SIPA1L1: variants seen among roughly 807,000 people sequenced by gnomAD.
The protein encoded by SIPA1L1 is signal-induced proliferation-associated 1-like protein 1.
Under a neutral mutation model 162.7 loss-of-function variants are expected in SIPA1L1, and 26 were observed. The ratio of observed to expected loss-of-function variants is 0.16; its 90% CI spans 0.12 to 0.22. The LOEUF is 0.22. Ranked by LOEUF, SIPA1L1 falls within the 10% of genes least tolerant of loss-of-function variation. The pLI, the probability that SIPA1L1 is intolerant of heterozygous loss-of-function variation, is 1.00. For synonymous variants in SIPA1L1, 829 were observed against 837.4 expected (o/e 0.99, Z 0.17); for missense variants, 1,874 against 2,241.0 (o/e 0.84, Z 3.31).
chr14:71,498,918 A>T (rs944715082), intron 2 of SIPA1L1, among the ~76,000 whole-genome samples: 3 of 152,194 alleles, frequency 2.0e-5, no homozygotes, highest in African/African-American at 7.2e-5. Context: ...TAATTTATTA[A>T]TTTTTGATGA....
chr14:71,432,752 C>T (rs543989506), intron 2 of SIPA1L1, among the ~76,000 whole-genome samples: 10 of 152,218 alleles, frequency 6.6e-5, no homozygotes, highest in Non-Finnish European at 1.3e-4. Flanking sequence ...AATGAACAAT[C>T]AAATGAATGT....
At chr14:71,573,021 A>G (rs2032369278) in intron 4 of SIPA1L1, among the ~76,000 whole-genome samples, 1 of 152,220 alleles carries the variant, frequency 6.6e-6, no homozygotes, top group Non-Finnish European at 1.5e-5. Context: ...CGTAAGATTG[A>G]CAAATTAAAA....
intron 17 of SIPA1L1, among the ~76,000 whole-genome samples, chr14:71,711,035 C>T (rs2082841613): frequency 6.6e-6 from 1 of 152,042 alleles, no homozygotes; most frequent in South Asian, 2.1e-4. Context: ...TTGAGCTTCC[C>T]TTCATTTAAA....
chr14:71,454,179 G>C (rs2046027048), intron 2 of SIPA1L1, among the ~76,000 whole-genome samples: 1 of 152,044 alleles, frequency 6.6e-6, no homozygotes, highest in South Asian at 2.1e-4. Flanking sequence ...TGTGATATAG[G>C]CATGTTATAC....
At chr14:71,623,102 C>G (rs1451343908) in intron 6 of SIPA1L1, among the ~76,000 whole-genome samples, 1 of 152,180 alleles carries the variant, frequency 6.6e-6, no homozygotes, top group African/African-American at 2.4e-5. Context: ...GTGGTCCATT[C>G]TCTGCCTTTG....
chr14:71,668,021 C>T (rs1031780706), intron 10 of SIPA1L1, among the ~76,000 whole-genome samples: 65 of 151,894 alleles, frequency 4.3e-4, no homozygotes, highest in African/African-American at 1.5e-3. Flanking sequence ...GCCGAGATCG[C>T]GCCACTGCAC....
At chr14:71,653,125 T>C (rs2042766468) in intron 8 of SIPA1L1, among the ~76,000 whole-genome samples, 1 of 152,194 alleles carries the variant, frequency 6.6e-6, no homozygotes, top group East Asian at 1.9e-4. Context: ...ATGAGTCTTA[T>C]TTTTAAGCTT....
chr14:71,706,949 C>T lies in SIPA1L1; in HGVS notation c.3765+1609C>T, dbSNP rs11623111. ...TCTGGAGGCTGTGAGACAGGAGAAC[C>T]GCTTGAACCCGGGAGGCAGAGGTTG... On this transcript the variant is annotated intron_variant, in intron 16 of 23. Transcript: ENST00000381232. Among the ~76,000 whole-genome samples the T allele has an allele frequency of 1.6e-3, 250 of 151,556 alleles. 1 individual carries two copies. Among genetic ancestry groups the T allele is most frequent in the Non-Finnish European group, 2.9e-3 (198 of 67,892 alleles).
chr14:71,457,639 A>G (rs2046285366), intron 2 of SIPA1L1, among the ~76,000 whole-genome samples: 1 of 146,950 alleles, frequency 6.8e-6, no homozygotes, highest in Non-Finnish European at 1.5e-5. Context: ...TATCATGCAC[A>G]GCTAGAGTGC....
chr14:71,723,935 A>C, intron 18 of SIPA1L1, 49 bp downstream of exon 18: 1 of 1,608,362 alleles, frequency 6.2e-7, no homozygotes, highest in Non-Finnish European at 8.5e-7. Context: ...TTAACAGGAC[A>C]GAGAATAGAA....
intron 2 of SIPA1L1, among the ~76,000 whole-genome samples, chr14:71,355,069 C>T (rs1165931965): frequency 1.3e-5 from 2 of 152,236 alleles, no homozygotes; most frequent in Admixed American, 6.5e-5. Context: ...CATTAAGGGC[C>T]TTCAGAAACG....
intron 2 of SIPA1L1, among the ~76,000 whole-genome samples, chr14:71,392,688 C>T (rs1314712349): frequency 5.3e-5 from 8 of 151,972 alleles, no homozygotes; most frequent in African/African-American, 9.7e-5. Flanking sequence ...CCACCACGCC[C>T]GGCTAATTTT....
intron 18 of SIPA1L1, 31 bp from the exon 19 acceptor site, chr14:71,724,639 G>A (rs2084057428): frequency 1.3e-6 from 2 of 1,595,856 alleles, no homozygotes; most frequent in Non-Finnish European, 1.7e-6. Flanking sequence ...TGTTGAGTTG[G>A]TATCTATCAT....
At chr14:71,653,397 C>G (rs1043227812) in intron 8 of SIPA1L1, among the ~76,000 whole-genome samples, 2 of 152,166 alleles carry the variant, frequency 1.3e-5, no homozygotes, top group African/African-American at 4.8e-5. Context: ...CTGTCCAACT[C>G]AAGACTCAAA....
chr14:71,486,936 G>A (rs1049947600), intron 2 of SIPA1L1, among the ~76,000 whole-genome samples: 7 of 151,986 alleles, frequency 4.6e-5, no homozygotes, highest in Admixed American at 1.3e-4. Flanking sequence ...AAAATTATCC[G>A]GTCTTTCTTT....
At chr14:71,654,813 G>A (rs1260574072) in intron 8 of SIPA1L1, among the ~76,000 whole-genome samples, 1 of 151,836 alleles carries the variant, frequency 6.6e-6, no homozygotes, top group Non-Finnish European at 1.5e-5. Flanking sequence ...TGCTCAATAC[G>A]CTCTTCAACC....
chr14:71,572,739 G>A (rs2032312027), intron 4 of SIPA1L1, among the ~76,000 whole-genome samples: 1 of 152,178 alleles, frequency 6.6e-6, no homozygotes, highest in African/African-American at 2.4e-5. Context: ...TGCTTCTTAT[G>A]TTGTATGTAG....
intron 10 of SIPA1L1, among the ~76,000 whole-genome samples, chr14:71,668,723 T>G (rs1238201441): frequency 2.6e-5 from 4 of 152,134 alleles, no homozygotes; most frequent in African/African-American, 9.7e-5. Context: ...CCCTGCTGAG[T>G]AGAACATTCC....
chr14:71,652,277 G>A (rs1189375071), intron 8 of SIPA1L1, among the ~76,000 whole-genome samples: 1 of 152,164 alleles, frequency 6.6e-6, no homozygotes, highest in Non-Finnish European at 1.5e-5. Context: ...GCAACAGCCA[G>A]CCTCTGTACA....
Sources: gnomAD v4.1 joint callset for allele counts (sites outside exome capture counted in the v4.1 genomes callset) on GRCh38, gnomAD v4.1.1 for gene constraint, MANE v1.5 for transcripts, NCBI Gene and HGNC (gene_info 2026-07-23, HGNC 2026-07-21) for gene names.